Variants in WDFY3 observed in about 807,000 individuals in gnomAD.
WDFY3 encodes the protein WD repeat and FYVE domain-containing protein 3.
In WDFY3, 66 loss-of-function variants were observed where a neutral mutation model predicts 409.6. The ratio of observed to expected loss-of-function variants is 0.16; its 90% CI spans 0.13 to 0.20. WDFY3 has a LOEUF of 0.20. Ranked by LOEUF, WDFY3 falls within the 10% of genes least tolerant of loss-of-function variation. The probability of loss-of-function intolerance (pLI) is 1.00; values close to 1 mark genes in which losing one functional copy is unlikely to be tolerated. For synonymous variants in WDFY3, 1,521 were observed against 1,537.1 expected (o/e 0.99, Z 0.25); for missense variants, 3,031 against 4,298.1 (o/e 0.71, Z 8.24).
At chr4:84,869,296 T>C (rs1027809046) in intron 3 of WDFY3, among the ~76,000 whole-genome samples, 1 of 152,212 alleles carries the variant, frequency 6.6e-6, no homozygotes, top group Admixed American at 6.5e-5. Context: ...TAGAATCACT[T>C]ATCCTTTGAC....
intron 3 of WDFY3, among the ~76,000 whole-genome samples, chr4:84,873,926 A>G (rs1261325210): frequency 1.3e-5 from 2 of 151,814 alleles, no homozygotes; most frequent in Non-Finnish European, 2.9e-5. Flanking sequence ...GGCTACAGGC[A>G]TGCACAGCCA....
chr4:84,768,897 T>C (rs1465680135), intron 30 of WDFY3, among the ~76,000 whole-genome samples: 3 of 152,238 alleles, frequency 2.0e-5, no homozygotes, highest in Admixed American at 6.5e-5. Flanking sequence ...TTCACCACTT[T>C]AGACGCCATT....
At chr4:84,760,118 A>G (rs1001652255) in intron 32 of WDFY3, among the ~76,000 whole-genome samples, 8 of 151,440 alleles carry the variant, frequency 5.3e-5, no homozygotes, top group Middle Eastern at 3.4e-3. Flanking sequence ...ATTGATTTGC[A>G]TATATTGAAC....
chr4:84,787,102 A>ATG (rs1412376875), intron 23 of WDFY3, among the ~76,000 whole-genome samples: 2 of 152,190 alleles, frequency 1.3e-5, no homozygotes, highest in Non-Finnish European at 2.9e-5. Flanking sequence ...TCTAGAGAAT[A>ATG]TGTGTGTGTG....
chr4:84,746,146 A>G, intron 36 of WDFY3, among the ~76,000 whole-genome samples: 1 of 123,416 alleles, frequency 8.1e-6, no homozygotes, highest in East Asian at 2.3e-4. Flanking sequence ...TGTCTCTACC[A>G]AAAAAAAAAA....
intron 67 of WDFY3, among the ~76,000 whole-genome samples, chr4:84,675,730 C>A (rs1726162726): frequency 6.6e-6 from 1 of 152,068 alleles, no homozygotes; most frequent in African/African-American, 2.4e-5. Flanking sequence ...GAAAGCATCT[C>A]TGGAGTAAGG....
In WDFY3 at chr4:84,734,916, C is replaced by T. The variant is rs913332493; in HGVS notation, c.6993+127G>A. On this transcript the variant is annotated intron_variant, in intron 43 of 67. Transcript: ENST00000295888. ...TAGCTGATGGCAGGAATAATTAAAA[C>T]CATCATCTGATGACGAATGCAGTCC... is the stretch of plus-strand genomic sequence containing the variant. The T allele has an allele frequency of 1.3e-5, 10 of 741,186 alleles. No individual in the cohort carries two copies. In the Middle Eastern group the frequency reaches 1.2e-3, roughly 87 times the overall value. 45.9% of individuals were successfully genotyped at this position (741,186 alleles called of 1,614,324 possible).
chr4:84,965,030 G>A (rs1775448580), intron 1 of WDFY3, among the ~76,000 whole-genome samples: 1 of 152,026 alleles, frequency 6.6e-6, no homozygotes, highest in South Asian at 2.1e-4. Flanking sequence ...ATACTTAAGA[G>A]TCTCATGATA....
Position 84,894,368 on chromosome 4 carries a change from T to A in WDFY3, c.-32+2543A>T, listed in dbSNP as rs572296039. On this transcript the variant is annotated intron_variant, in intron 3 of 67. Transcript: ENST00000295888. ...TCATCTAAGAGTACTTTTTAAAAAGTCAGCTCTTGGCCAGGTGCAGGGGCT... is the reference window on the plus strand; with the variant it reads ...TCATCTAAGAGTACTTTTTAAAAAGACAGCTCTTGGCCAGGTGCAGGGGCT... 3.9e-5 allele frequency among the ~76,000 whole-genome samples: 6 copies of A among 152,246 alleles called. No homozygotes were observed. The South Asian group carries it at 1.2e-3, about 32-fold the overall frequency.
intron 22 of WDFY3, among the ~76,000 whole-genome samples, chr4:84,788,827 C>T (rs1473188177): frequency 6.6e-6 from 1 of 152,106 alleles, no homozygotes; most frequent in African/African-American, 2.4e-5. Flanking sequence ...TGAGACCAGC[C>T]TGGCCAACAT....
At chr4:84,705,708 T>C (rs554442663) in intron 53 of WDFY3, among the ~76,000 whole-genome samples, 197 bp from the exon 54 acceptor site, 3 of 151,988 alleles carry the variant, frequency 2.0e-5, no homozygotes, top group African/African-American at 7.3e-5. Flanking sequence ...CACATGGGAG[T>C]TGGTTAACAG....
At chr4:84,709,125 CT>C (rs1317488554) in intron 52 of WDFY3, 97 bp from the exon 53 acceptor site, 4 of 1,504,778 alleles carry the variant, frequency 2.7e-6, no homozygotes, top group Non-Finnish European at 3.6e-6. Flanking sequence ...AGGACAGTTT[CT>C]TTTTAACAGA....
In WDFY3 at chr4:84,696,225, T is replaced by G. The variant is rs1730116641; in HGVS notation, c.8689-43A>C. 3 of 1,591,628 alleles carry G rather than the reference T, an allele frequency of 1.9e-6. No individual in the cohort carries two copies. In the African/African-American group the frequency reaches 4.0e-5, roughly 21 times the overall value. On this transcript the variant is annotated intron_variant, in intron 57 of 67. Transcript: ENST00000295888. Reference sequence around the variant, plus strand: ...GGTTTAGTCACTGGCTGACTTCTATTACTTGCTCAGAGACTAGAAAAACCT... The same window carrying G: ...GGTTTAGTCACTGGCTGACTTCTATGACTTGCTCAGAGACTAGAAAAACCT...
chr4:84,713,022 G>A, intron 51 of WDFY3, 137 bp downstream of exon 51: 1 of 828,800 alleles, frequency 1.2e-6, no homozygotes, highest in Non-Finnish European at 2.0e-6. Context: ...TCTTCCTTTA[G>A]TTTTCAGTAT....
At chr4:84,928,262 T>C (rs1384720476) in intron 2 of WDFY3, among the ~76,000 whole-genome samples, 3 of 152,170 alleles carry the variant, frequency 2.0e-5, no homozygotes, top group Admixed American at 2.0e-4. Context: ...TCCTCCGTGC[T>C]TGACTCTCGA....
In WDFY3 at chr4:84,756,053, T is replaced by C. The variant is rs1289005826; in HGVS notation, c.5425-653A>G. Among the ~76,000 whole-genome samples the C allele has an allele frequency of 2.0e-5, 3 of 152,202 alleles. No individual in the cohort carries two copies. The East Asian group carries it at 5.8e-4, about 29-fold the overall frequency. On this transcript the variant is annotated intron_variant, in intron 33 of 67. Coordinates refer to ENST00000295888, the MANE Select transcript of WDFY3 (RefSeq NM_014991.6). ...ATTAGGATGGAAGTGTAGTTGAGTC[T>C]AAAAGCTAAATTCCTACAGTGCCAC...
chr4:84,919,221 A>AT (rs1229088860), intron 2 of WDFY3, among the ~76,000 whole-genome samples: 6 of 152,174 alleles, frequency 3.9e-5, no homozygotes, highest in Non-Finnish European at 8.8e-5. Context: ...ATAGGAAACC[A>AT]TAAATTCAAA....
At chr4:84,963,161 C>T (rs1439727984) in intron 1 of WDFY3, among the ~76,000 whole-genome samples, 12 of 150,830 alleles carry the variant, frequency 8.0e-5, no homozygotes, top group South Asian at 2.1e-4. Flanking sequence ...CGGTGGCTCA[C>T]GCCTGTAATA....
At chr4:84,857,911 A>G (rs1039866877) in intron 4 of WDFY3, among the ~76,000 whole-genome samples, 5 of 152,126 alleles carry the variant, frequency 3.3e-5, no homozygotes, top group Admixed American at 1.3e-4. Flanking sequence ...AGCCTATACA[A>G]ACCTCAATCT....
Sources: allele counts gnomAD v4.1 joint callset (sites outside exome capture counted in the v4.1 genomes callset), GRCh38; gene constraint gnomAD v4.1.1; transcripts MANE v1.5; gene names NCBI Gene and HGNC (gene_info 2026-07-23, HGNC 2026-07-21).